TCEAL1: variants seen among roughly 807,000 people sequenced by gnomAD.
The protein encoded by TCEAL1 is transcription elongation factor A like 1.
For synonymous variants in TCEAL1, 48 were observed against 46.0 expected (o/e 1.04, Z -0.17); for missense variants, 82 against 125.9 (o/e 0.65, Z 1.67).
In TCEAL1 at chrX:103,629,911, C is replaced by A; in HGVS notation, c.-6C>A. 8.9e-7 allele frequency: 1 copy of A among 1,126,462 alleles called. No homozygotes were observed. Among genetic ancestry groups the A allele is most frequent in the Non-Finnish European group, 1.2e-6 (1 of 854,526 alleles). 92.8% of individuals were successfully genotyped at this position (1,126,462 alleles called of 1,213,427 possible). A position where few individuals can be genotyped will look rare whatever the true frequency, so the allele number is the denominator to read the frequency against. ...ATAACTGTGCTTGAAGAAGAAAATTCCCAACATGGACAAACCACGCAAAGA... is the reference window on the plus strand; with the variant it reads ...ATAACTGTGCTTGAAGAAGAAAATTACCAACATGGACAAACCACGCAAAGA... On this transcript the variant is annotated 5_prime_UTR_variant, in exon 3 of 3. Transcript: ENST00000372625.
rs757044352 is a variant in TCEAL1 at position 103,630,018 on chromosome X, CGAGGAGCAGTCTTCG to C, written c.114_128del (p.Gln42_Glu46del). 8 of 1,205,863 alleles carry C rather than the reference CGAGGAGCAGTCTTCG, an allele frequency of 6.6e-6. No homozygotes were observed. The African/African-American group carries it at 7.0e-5, about 11-fold the overall frequency. On this transcript the variant is annotated inframe_deletion, in exon 3 of 3. Coordinates refer to ENST00000372625, the MANE Select transcript of TCEAL1 (RefSeq NM_004780.3). ...AGCACTCTCCCGAAAAGCAGTCCCC[CGAGGAGCAGTCTTCG>C]GAGGAGCAGTCCTCGGAGGAGGAGT...
Position 103,629,992 on chromosome X carries a change from G to GAGCACTCTCCCGAAA in TCEAL1, c.81_95dup (p.His27_Lys31dup). 1 of 1,199,832 alleles carries GAGCACTCTCCCGAAA rather than the reference G, an allele frequency of 8.3e-7. No individual in the cohort carries two copies. Among genetic ancestry groups the GAGCACTCTCCCGAAA allele is most frequent in the Non-Finnish European group, 1.1e-6 (1 of 889,193 alleles). On this transcript the variant is annotated inframe_insertion, in exon 3 of 3. Coordinates refer to ENST00000372625, the MANE Select transcript of TCEAL1 (RefSeq NM_004780.3). The stretch of plus-strand genomic sequence containing the variant: ...GACCGATGAGGAGAGGCCTCCGGTG[G>GAGCACTCTCCCGAAA]AGCACTCTCCCGAAAAGCAGTCCCC...
intron 1 of TCEAL1, among the ~76,000 whole-genome samples, chrX:103,629,229 G>T (rs368687666): frequency 8.9e-6 from 1 of 111,777 alleles, no homozygotes; most frequent in Admixed American, 9.4e-5. Flanking sequence ...CCCCCGGGAG[G>T]GGGGTACAGA....
rs762018669 is a variant in TCEAL1, at chrX:103,629,923, A to C, written c.7A>C (p.Lys3Gln). The C allele has an allele frequency of 3.5e-6, 4 of 1,134,938 alleles. No individual in the cohort carries two copies. The highest frequency in any genetic ancestry group is 3.5e-6 in the Non-Finnish European group (3 of 859,232). 93.5% of individuals were successfully genotyped at this position (1,134,938 alleles called of 1,213,427 possible). A position where few individuals can be genotyped will look rare whatever the true frequency, so the allele number is the denominator to read the frequency against. The change falls in exon 3 of 3, where the codon AAA becomes CAA. Residue 3 changes from lysine (K) to glutamine (Q), a missense_variant. By Grantham distance (53) the Lys-to-Gln change is moderately conservative. Coordinates refer to ENST00000372625, the MANE Select transcript of TCEAL1 (RefSeq NM_004780.3). MDKPRKENEEEPQ... is the reference protein window; with the variant it reads MDQPRKENEEEPQ... ...GAAGAAGAAAATTCCCAACATGGAC[A>C]AACCACGCAAAGAAAATGAAGAAGA...
intron 2 of TCEAL1, 74 bp downstream of exon 2, chrX:103,629,647 G>T: frequency 2.9e-6 from 1 of 342,123 alleles, no homozygotes; most frequent in Non-Finnish European, 5.0e-6. Flanking sequence ...GCACTGTCCC[G>T]CCCCTGTCAC....
intron 2 of TCEAL1, 28 bp downstream of exon 2, chrX:103,629,601 G>T (rs2073712116): frequency 4.3e-6 from 1 of 234,087 alleles, no homozygotes; most frequent in East Asian, 7.3e-5. Context: ...ACTGGGGCGC[G>T]AGGGTGGACG....
chrX:103,630,167 C>T lies in TCEAL1; in HGVS notation c.251C>T (p.Pro84Leu). The T allele has an allele frequency of 8.3e-7, 1 of 1,211,816 alleles. No individual in the cohort carries two copies. The highest frequency in any genetic ancestry group is 1.8e-5 in the South Asian group (1 of 56,973). ...AAGGACCTGTTTGAGGGGCGCCCTC[C>T]CATGGAGCAGCCTCCTTGTGGAGTA... Reference protein sequence around the residue: ...SRKDLFEGRPPMEQPPCGVGK... With the variant: ...SRKDLFEGRPLMEQPPCGVGK... Residue 84 changes from proline to leucine, a missense_variant, in exon 3 of 3, where the codon CCC becomes CTC. Transcript: ENST00000372625.
In TCEAL1 at chrX:103,630,399, T is replaced by G. The variant is rs1281708245; in HGVS notation, c.*3T>G. 3.4e-6 allele frequency: 4 copies of G among 1,171,181 alleles called. No individual in the cohort carries two copies. The Admixed American group carries it at 1.0e-4, about 29-fold the overall frequency. On this transcript the variant is annotated 3_prime_UTR_variant, in exon 3 of 3. Coordinates refer to ENST00000372625, the MANE Select transcript of TCEAL1 (RefSeq NM_004780.3). The stretch of plus-strand genomic sequence containing the variant: ...GGAGCCGTCCTTATCCTATTTAATG[T>G]GTTCGGCCTTTAATTCTGTTTTGCC...
At chrX:103,629,722 C>A in intron 2 of TCEAL1, 149 bp downstream of exon 2, 1 of 438,072 alleles carries the variant, frequency 2.3e-6, no homozygotes, top group Non-Finnish European at 3.6e-6. Flanking sequence ...GAGGGGGCGA[C>A]CGGGAAGCGG....
Position 103,629,961 on chromosome X carries a change from G to C in TCEAL1, c.45G>C (p.Ala15=). The C allele has an allele frequency of 8.5e-7, 1 of 1,170,358 alleles. No individual in the cohort carries two copies. Among genetic ancestry groups the C allele is most frequent in the South Asian group, 1.9e-5 (1 of 52,153 alleles). Residue 15 remains alanine, a synonymous_variant, in exon 3 of 3, where the codon GCG becomes GCC. Coordinates refer to ENST00000372625, the MANE Select transcript of TCEAL1 (RefSeq NM_004780.3). ...RKENEEEPQS[A]PKTDEERPPV... is the part of the protein sequence containing the mutation. ...AAAATGAAGAAGAGCCGCAGAGCGC[G>C]CCCAAGACCGATGAGGAGAGGCCTC...
chrX:103,629,988 G>C lies in TCEAL1; in HGVS notation c.72G>C (p.Pro24=), dbSNP rs755313044. ...CCAAGACCGATGAGGAGAGGCCTCC[G>C]GTGGAGCACTCTCCCGAAAAGCAGT... ...SAPKTDEERP[P]VEHSPEKQSP... is the part of the protein sequence containing the mutation. The change falls in exon 3 of 3, where the codon CCG becomes CCC. Residue 24 remains proline, a synonymous_variant. Coordinates refer to ENST00000372625, the MANE Select transcript of TCEAL1 (RefSeq NM_004780.3). 1 of 1,196,398 alleles carries C rather than the reference G, an allele frequency of 8.4e-7. No homozygotes were observed. Among genetic ancestry groups the C allele is most frequent in the Non-Finnish European group, 1.1e-6 (1 of 887,395 alleles).
rs748361525 is a variant in TCEAL1, at chrX:103,630,133, C to G, written c.217C>G (p.Leu73Val). 2 of 1,211,588 alleles carry G rather than the reference C, an allele frequency of 1.7e-6. No individual in the cohort carries two copies. The highest frequency in any genetic ancestry group is 1.1e-6 in the Non-Finnish European group (1 of 895,361). ...GGAGGAGCGCCCTCCGCAGGAGGGT[C>G]TTTCCAGGAAGGACCTGTTTGAGGG... ...LSEERPPQEGLSRKDLFEGRP... is the reference protein window; with the variant it reads ...LSEERPPQEGVSRKDLFEGRP... Residue 73 changes from leucine to valine, a missense_variant, in exon 3 of 3, where the codon CTT becomes GTT. Coordinates refer to ENST00000372625, the MANE Select transcript of TCEAL1 (RefSeq NM_004780.3).
rs768460936 is a variant in TCEAL1, at chrX:103,630,117, C to T, written c.201C>T (p.Arg67=). 1.7e-6 allele frequency: 2 copies of T among 1,210,948 alleles called. No homozygotes were observed. The highest frequency in any genetic ancestry group is 1.8e-5 in the South Asian group (1 of 56,885). Residue 67 remains arginine (R), a synonymous_variant, in exon 3 of 3, where the codon CGC becomes CGT. Transcript: ENST00000372625. ...LLPEMLLSEE[R]PPQEGLSRKD... ...CTGAGATGCTCCTCTCGGAGGAGCG[C>T]CCTCCGCAGGAGGGTCTTTCCAGGA...
At chrX:103,629,758 C>T (rs1046280609) in intron 2 of TCEAL1, 127 bp from the exon 3 acceptor site, 82 of 612,343 alleles carry the variant, frequency 1.3e-4, no homozygotes, top group Non-Finnish European at 1.8e-4. Flanking sequence ...CGGAGAGCCT[C>T]TGGGAAAGCG....
rs751181266 is a variant in TCEAL1 at position 103,630,014 on chromosome X, C to T, written c.98C>T (p.Ser33Phe). Residue 33 changes from serine (S) to phenylalanine (F), a missense_variant, in exon 3 of 3, where the codon TCC (serine) becomes TTC (phenylalanine). Coordinates refer to ENST00000372625, the MANE Select transcript of TCEAL1 (RefSeq NM_004780.3). ...PPVEHSPEKQ[S>F]PEEQSSEEQS... Reference sequence around the variant, plus strand: ...GTGGAGCACTCTCCCGAAAAGCAGTCCCCCGAGGAGCAGTCTTCGGAGGAG... The same window carrying T: ...GTGGAGCACTCTCCCGAAAAGCAGTTCCCCGAGGAGCAGTCTTCGGAGGAG... 46 of 1,204,952 alleles carry T rather than the reference C, an allele frequency of 3.8e-5. 1 individual carries two copies. The South Asian group carries it at 7.5e-4, about 20-fold the overall frequency.
In TCEAL1 at chrX:103,630,434, T is replaced by A; in HGVS notation, c.*38T>A. 9.0e-7 allele frequency: 1 copy of A among 1,115,207 alleles called. No individual in the cohort carries two copies. Among genetic ancestry groups the A allele is most frequent in the East Asian group, 3.3e-5 (1 of 30,551 alleles). The allele number at this position is 1,115,207 out of a possible 1,213,427, so 91.9% of individuals were successfully genotyped here. A position where few individuals can be genotyped will look rare whatever the true frequency, so the allele number is the denominator to read the frequency against. ...TTAATTCTGTTTTGCCTGCTAATAG[T>A]ATTGCCATTGCCACCTGGACTTTCT... On this transcript the variant is annotated 3_prime_UTR_variant, in exon 3 of 3. Transcript: ENST00000372625.
At chrX:103,629,402 T>C (rs2073709252) in intron 1 of TCEAL1, 92 bp from the exon 2 acceptor site, 1 of 108,462 alleles carries the variant, frequency 9.2e-6, no homozygotes, top group Non-Finnish European at 1.9e-5. Flanking sequence ...AGGCAGTGGC[T>C]GGTGCCCAGA....
Position 103,629,786 on chromosome X carries a change from C to T in TCEAL1, c.-32-99C>T, listed in dbSNP as rs1288428742. 3 of 807,190 alleles carry T rather than the reference C, an allele frequency of 3.7e-6. No individual in the cohort carries two copies. In the Admixed American group the frequency reaches 1.4e-4, roughly 37 times the overall value. 66.5% of individuals were successfully genotyped at this position (807,190 alleles called of 1,213,427 possible). ...GGAAAGCGCAAGGTTGAGGACCTGG[C>T]CCCCGAATCAGGAAAAGGCAGGTAT... On this transcript the variant is annotated intron_variant, in intron 2 of 2. Coordinates refer to ENST00000372625, the MANE Select transcript of TCEAL1 (RefSeq NM_004780.3).
At position 103,630,696 on chromosome X, in the gene TCEAL1, ATG is replaced by A. The variant is rs1234421612; in HGVS notation, c.*302_*303del. On this transcript the variant is annotated 3_prime_UTR_variant, in exon 3 of 3. Transcript: ENST00000372625. The stretch of plus-strand genomic sequence containing the variant: ...ATTGTATCCCATTTTTGTAAAAAAA[ATG>A]TATATTTATATATTAATATGCAAAG... The A allele has an allele frequency of 6.1e-6, 1 of 164,524 alleles. No homozygotes were observed. The highest frequency in any genetic ancestry group is 3.1e-5 in the African/African-American group (1 of 32,255). The allele number at this position is 164,524 out of a possible 1,213,427, so 13.6% of individuals were successfully genotyped here.
Sources: allele counts gnomAD v4.1 joint callset (sites outside exome capture counted in the v4.1 genomes callset), GRCh38; gene constraint gnomAD v4.1.1; transcripts MANE v1.5; gene names NCBI Gene and HGNC (gene_info 2026-07-23, HGNC 2026-07-21).